PNKD: variants seen among roughly 807,000 people sequenced by gnomAD.
PNKD encodes the protein probable thioesterase PNKD.
PNKD carries 36 observed loss-of-function variants against 45.3 expected under a neutral mutation model. The observed-to-expected ratio is 0.80, with a 90% CI of 0.61 to 1.05. The LOEUF (loss-of-function observed/expected upper bound fraction) is 1.05, where lower values mean the gene tolerates loss of function less well. Ranked by LOEUF, PNKD falls within the 50% of genes least tolerant of loss-of-function variation. The pLI is 0.00. For synonymous variants in PNKD, 197 were observed against 210.1 expected, an observed-to-expected ratio of 0.94 and a Z score of 0.54; for missense variants, 511 against 506.6, an observed-to-expected ratio of 1.01 and a Z score of -0.08.
chr2:218,309,320 G>A (rs1311827311), intron 2 of PNKD, among the ~76,000 whole-genome samples: 1 of 149,258 alleles, frequency 6.7e-6, no homozygotes, highest in Non-Finnish European at 1.5e-5. Flanking sequence ...TAGAGAGGCT[G>A]AGGCAGGAGA....
At chr2:218,279,644 TCA>T in intron 2 of PNKD, 1 of 485,274 alleles carries the variant, frequency 2.1e-6, no homozygotes, top group Non-Finnish European at 3.7e-6. Flanking sequence ...TCCCAGCAGC[TCA>T]GTCTGCACGC....
At chr2:218,328,142 C>T in intron 2 of PNKD, among the ~76,000 whole-genome samples, 1 of 152,132 alleles carries the variant, frequency 6.6e-6, no homozygotes, top group Non-Finnish European at 1.5e-5. Flanking sequence ...CAGCCTGTTC[C>T]TCTGTCTCAG....
At chr2:218,344,689 A>G in intron 9 of PNKD, 119 bp downstream of exon 9, 1 of 1,390,238 alleles carries the variant, frequency 7.2e-7, no homozygotes, top group Non-Finnish European at 1.0e-6. Context: ...TCTTTGGCCC[A>G]TGGGCCCTCA....
chr2:218,331,747 C>G (rs1164112797), intron 2 of PNKD, among the ~76,000 whole-genome samples: 1 of 152,094 alleles, frequency 6.6e-6, no homozygotes, highest in African/African-American at 2.4e-5. Flanking sequence ...GGATTACAGG[C>G]GTGAGCCACC....
intron 2 of PNKD, among the ~76,000 whole-genome samples, chr2:218,338,460 C>CA (rs200743728): frequency 0.37 from 37,382 of 100,422 alleles, 5,723 homozygotes; most frequent in Middle Eastern, 0.58. Context: ...GACTCTGTCT[C>CA]AAAAAAAAAA....
At chr2:218,306,129 C>T (rs371339831) in intron 2 of PNKD, among the ~76,000 whole-genome samples, 2 of 152,084 alleles carry the variant, frequency 1.3e-5, no homozygotes, top group Non-Finnish European at 2.9e-5. Context: ...GGCTGGCAGA[C>T]GGGACACATG....
chr2:218,280,509 C>A, intron 2 of PNKD: 1 of 270,082 alleles, frequency 3.7e-6, no homozygotes, highest in South Asian at 3.7e-5. Context: ...AGGAGGGCGG[C>A]AGAGCGCAGT....
chr2:218,336,173 C>T (rs1292910308), intron 2 of PNKD, among the ~76,000 whole-genome samples: 1 of 141,116 alleles, frequency 7.1e-6, no homozygotes, highest in Non-Finnish European at 1.5e-5. Context: ...CAAGATCGTG[C>T]CACTGCACTC....
At chr2:218,287,571 G>GTGATATCCCACACC (rs1325489224) in intron 2 of PNKD, among the ~76,000 whole-genome samples, 1 of 152,252 alleles carries the variant, frequency 6.6e-6, no homozygotes, top group East Asian at 1.9e-4. Flanking sequence ...TTAGCTGGGC[G>GTGATATCCCACACC]TGATATCCCA....
At chr2:218,278,226 T>A in intron 2 of PNKD, 1 of 604,912 alleles carries the variant, frequency 1.7e-6, no homozygotes. Context: ...ACTGCCTGTG[T>A]GATGGGGAGA....
chr2:218,339,037 T>C (rs1362443932), intron 2 of PNKD, among the ~76,000 whole-genome samples: 1 of 151,124 alleles, frequency 6.6e-6, no homozygotes, highest in Non-Finnish European at 1.5e-5. Flanking sequence ...GCTCAAGTGA[T>C]CCTCTCTCCT....
intron 2 of PNKD, chr2:218,277,057 T>G: frequency 6.2e-7 from 1 of 1,614,076 alleles, no homozygotes; most frequent in Non-Finnish European, 8.5e-7. Context: ...AGGAGCACAA[T>G]TCCCAGGACA....
At position 218,346,587 on chromosome 2, in the gene PNKD, G is replaced by C. The variant is rs1035875158; in HGVS notation, c.*1606G>C. 2 of 153,938 alleles carry C rather than the reference G, an allele frequency of 1.3e-5. No individual in the cohort carries two copies. The highest frequency in any genetic ancestry group is 2.4e-5 in the African/African-American group (1 of 41,446). The allele number at this position is 153,938 out of a possible 1,614,324, so 9.5% of individuals were successfully genotyped here. ...CAACCCCTGTGCCCCTCCCCTCCAG[G>C]CTACCTCTGCACTTTGTCAATGCTT... On this transcript the variant is annotated 3_prime_UTR_variant, in exon 10 of 10. Transcript: ENST00000273077.
At chr2:218,315,164 A>C (rs1693775912) in intron 2 of PNKD, among the ~76,000 whole-genome samples, 1 of 126,892 alleles carries the variant, frequency 7.9e-6, no homozygotes, top group Non-Finnish European at 1.6e-5. Context: ...TTCTTTTTTG[A>C]GACAGTCTTG....
chr2:218,291,436 C>A (rs1418831222), intron 2 of PNKD, among the ~76,000 whole-genome samples: 1 of 152,198 alleles, frequency 6.6e-6, no homozygotes, highest in Admixed American at 6.5e-5. Context: ...AACCAAAGCT[C>A]ACTAATGAGA....
chr2:218,281,941 G>A (rs758659115), intron 2 of PNKD: 23 of 1,593,190 alleles, frequency 1.4e-5, no homozygotes, highest in South Asian at 1.3e-4. Context: ...AGGACTCACC[G>A]TAGTTCATGG....
intron 2 of PNKD, among the ~76,000 whole-genome samples, chr2:218,336,060 C>T (rs956123065): frequency 5.9e-5 from 9 of 151,396 alleles, no homozygotes; most frequent in Non-Finnish European, 8.8e-5. Context: ...ACTAAAAGTA[C>T]AAAAATTAGC....
intron 9 of PNKD, 24 bp from the exon 10 acceptor site, chr2:218,344,784 A>G: frequency 6.2e-7 from 1 of 1,612,520 alleles, no homozygotes; most frequent in Non-Finnish European, 8.5e-7. Context: ...TCTCTCCACC[A>G]AACCTGGTTC....
intron 2 of PNKD, chr2:218,277,792 C>T: frequency 6.5e-7 from 1 of 1,543,494 alleles, no homozygotes; most frequent in Non-Finnish European, 8.9e-7. Flanking sequence ...AAAGAGGCAG[C>T]CACAGAGGAG....
Sources: allele counts gnomAD v4.1 joint callset (sites outside exome capture counted in the v4.1 genomes callset), GRCh38; gene constraint gnomAD v4.1.1; transcripts MANE v1.5; gene names NCBI Gene and HGNC (gene_info 2026-07-23, HGNC 2026-07-21).